MTA3: variants seen among roughly 807,000 people sequenced by gnomAD.
MTA3 encodes the protein metastasis associated 1 family member 3.
MTA3 carries 34 observed loss-of-function variants against 83.5 expected under a neutral mutation model. The ratio of observed to expected loss-of-function variants is 0.41; its 90% CI spans 0.31 to 0.54. The LOEUF (loss-of-function observed/expected upper bound fraction) is 0.54, where lower values mean the gene tolerates loss of function less well. MTA3 is among the 20% of genes least tolerant of loss of function. The probability of loss-of-function intolerance (pLI) is 0.33; values close to 1 mark genes in which losing one functional copy is unlikely to be tolerated. For missense variants in MTA3, 761 were observed against 726.4 expected (o/e 1.05, Z -0.55); for synonymous variants, 303 against 252.7 (o/e 1.20, Z -1.89).
intron 8 of MTA3, among the ~76,000 whole-genome samples, chr2:42,680,958 G>A (rs1421381816): frequency 4.6e-5 from 7 of 152,114 alleles, no homozygotes; most frequent in Non-Finnish European, 7.3e-5. Context: ...GCCCAGGCTG[G>A]TCTCGAAGTC....
intron 2 of MTA3, among the ~76,000 whole-genome samples, chr2:42,557,359 G>A (rs1311369878): frequency 1.3e-5 from 2 of 151,876 alleles, no homozygotes; most frequent in Non-Finnish European, 2.9e-5. Context: ...GAAGCCTGGA[G>A]GGGGTGGGGT....
chr2:42,673,298 A>G (rs772428937), intron 8 of MTA3, among the ~76,000 whole-genome samples: 1 of 152,170 alleles, frequency 6.6e-6, no homozygotes, highest in African/African-American at 2.4e-5. Flanking sequence ...TGTAGGAGGT[A>G]TATATGTGAA....
chr2:42,524,884 A>AT (rs1675611238), intron 2 of MTA3, among the ~76,000 whole-genome samples: 1 of 140 alleles, frequency 7.1e-3, no homozygotes, highest in African/African-American at 0.05. Context: ...CCAGGCCTGA[A>AT]GGCATCCTGG....
chr2:42,551,551 C>T (rs1381730518), intron 2 of MTA3, among the ~76,000 whole-genome samples: 5 of 152,034 alleles, frequency 3.3e-5, no homozygotes, highest in Non-Finnish European at 7.4e-5. Flanking sequence ...GTACATAAAA[C>T]AGACAGACAT....
chr2:42,568,524 G>A (rs901608519), upstream of MTA3: 1 of 188,676 alleles, frequency 5.3e-6, no homozygotes, highest in Non-Finnish European at 1.0e-5. Context: ...CGGCCCACTC[G>A]GCCTTGCTAG....
In MTA3 at chr2:42,754,118, C is replaced by G; in HGVS notation, c.*719C>G. ...AGAGAAACTGGTGTTCTGCCCGGCT[C>G]TGCTTGGTCACAGACAGCTCCAGCA... is the stretch of plus-strand genomic sequence containing the variant. On this transcript the variant is annotated 3_prime_UTR_variant, in exon 17 of 17. Coordinates refer to ENST00000405094, the MANE Select transcript of MTA3 (RefSeq NM_001330442.2). 1.0e-6 allele frequency: 1 copy of G among 985,506 alleles called. No individual in the cohort carries two copies. The highest frequency in any genetic ancestry group is 1.2e-6 in the Non-Finnish European group (1 of 829,978). 61.0% of individuals were successfully genotyped at this position (985,506 alleles called of 1,614,324 possible).
intron 4 of MTA3, among the ~76,000 whole-genome samples, chr2:42,632,259 T>C (rs923820292): frequency 8.6e-5 from 13 of 151,754 alleles, no homozygotes; most frequent in African/African-American, 2.7e-4. Context: ...CCCGGCTAAT[T>C]TTTTGTATTT....
rs773205257 is a variant in MTA3 at position 42,553,042 on chromosome 2, C to T, written c.-140-17395C>T. Among the ~76,000 whole-genome samples, 11 of 151,838 alleles carry T rather than the reference C, an allele frequency of 7.2e-5. No homozygotes were observed. In the East Asian group the frequency reaches 7.8e-4, roughly 11 times the overall value. ...CTATAATCCCAGCACTTTGGAAGGCCGAGGCAAGAGGATTGCTTGAGGCCA... is the reference window on the plus strand; with the variant it reads ...CTATAATCCCAGCACTTTGGAAGGCTGAGGCAAGAGGATTGCTTGAGGCCA... On this transcript the variant is annotated intron_variant, in intron 2 of 17. Coordinates refer to the MTA3 transcript ENST00000405592.
chr2:42,590,613 C>A (rs1246110623), intron 3 of MTA3, among the ~76,000 whole-genome samples: 1 of 115,684 alleles, frequency 8.6e-6, no homozygotes. Flanking sequence ...TTCATGTTTG[C>A]TTTTTTTTTT....
At chr2:42,749,850 G>C (rs1669736285) in intron 16 of MTA3, among the ~76,000 whole-genome samples, 1 of 152,126 alleles carries the variant, frequency 6.6e-6, no homozygotes, top group Non-Finnish European at 1.5e-5. Context: ...TACCACGATA[G>C]GAAGCAGAGC....
intron 2 of MTA3, among the ~76,000 whole-genome samples, chr2:42,531,736 C>T (rs1203542501): frequency 1.3e-5 from 2 of 151,950 alleles, no homozygotes; most frequent in Non-Finnish European, 2.9e-5. Context: ...CAGAAGTGAG[C>T]CACTGGGCCC....
intron 2 of MTA3, among the ~76,000 whole-genome samples, chr2:42,534,124 T>A (rs1200026190): frequency 6.6e-6 from 1 of 151,992 alleles, no homozygotes; most frequent in South Asian, 2.1e-4. Context: ...ATGGAGTCTC[T>A]CTAACCACTT....
intron 8 of MTA3, among the ~76,000 whole-genome samples, chr2:42,672,766 G>T (rs4390809): frequency 0.014 from 2,172 of 151,034 alleles, 54 homozygotes; most frequent in African/African-American, 0.049. Context: ...TAGCAAGTTT[G>T]TTGGATGAGG....
intron 3 of MTA3, among the ~76,000 whole-genome samples, chr2:42,594,265 TA>T (rs765251397): frequency 5.9e-4 from 16 of 27,182 alleles, no homozygotes; most frequent in Non-Finnish European, 8.8e-4. Context: ...TTTTTTTTTT[TA>T]AAAGACAGTC....
intron 15 of MTA3, among the ~76,000 whole-genome samples, chr2:42,719,911 G>A (rs1293249101): frequency 1.3e-5 from 2 of 152,156 alleles, no homozygotes; most frequent in Non-Finnish European, 2.9e-5. Context: ...ATACCTAGAA[G>A]CAAGAATGGC....
intron 10 of MTA3, among the ~76,000 whole-genome samples, chr2:42,697,349 GAAAT>G (rs1220353495): frequency 6.6e-6 from 1 of 152,118 alleles, no homozygotes; most frequent in Admixed American, 6.6e-5. Flanking sequence ...CTGGATTTTG[GAAAT>G]AAATAATCTC....
chr2:42,614,512 G>T (rs935894552), intron 4 of MTA3, among the ~76,000 whole-genome samples: 1 of 152,126 alleles, frequency 6.6e-6, no homozygotes, highest in Non-Finnish European at 1.5e-5. Context: ...GTAAATTTGA[G>T]ATGGGCAACA....
At chr2:42,666,026 C>G (rs768971694) in intron 8 of MTA3, among the ~76,000 whole-genome samples, 27 of 152,124 alleles carry the variant, frequency 1.8e-4, no homozygotes, top group Non-Finnish European at 3.2e-4. Context: ...GCCTGTAATC[C>G]CAGCACTTTG....
intron 4 of MTA3, among the ~76,000 whole-genome samples, chr2:42,625,987 G>T (rs1313714435): frequency 6.9e-6 from 1 of 145,024 alleles, no homozygotes; most frequent in East Asian, 2.0e-4. Flanking sequence ...TTGTCGCCCA[G>T]GCTGGAGTGC....
Sources: allele counts gnomAD v4.1 joint callset (sites outside exome capture counted in the v4.1 genomes callset), GRCh38; gene constraint gnomAD v4.1.1; transcripts MANE v1.5; gene names NCBI Gene and HGNC (gene_info 2026-07-23, HGNC 2026-07-21).